The following NCOA3 variants were observed in gnomAD, a reference collection of about 807,000 sequenced individuals.
NCOA3 encodes the protein nuclear receptor coactivator 3.
Under a neutral mutation model 158.8 loss-of-function variants are expected in NCOA3, and 51 were observed. The observed-to-expected ratio is 0.32, with a 90% CI of 0.26 to 0.41. NCOA3 has a LOEUF of 0.41. NCOA3 is among the 10% of genes least tolerant of loss of function. NCOA3 has a pLI of 1.00. For missense variants in NCOA3, 1,510 were observed against 1,746.6 expected, an observed-to-expected ratio of 0.86 and a Z score of 2.41; for synonymous variants, 537 against 592.4, an observed-to-expected ratio of 0.91 and a Z score of 1.36.
chr20:47,535,016 C>T (rs2084609118), intron 1 of NCOA3, among the ~76,000 whole-genome samples: 1 of 141,608 alleles, frequency 7.1e-6, no homozygotes, highest in African/African-American at 2.5e-5. Flanking sequence ...GTTGCCCAGG[C>T]TTGTTTTTTT....
At chr20:47,518,517 G>A (rs3091681) in intron 1 of NCOA3, among the ~76,000 whole-genome samples, 3,562 of 147,140 alleles carry the variant, frequency 0.024, 136 homozygotes, top group African/African-American at 0.085. Context: ...TCCACCTCCC[G>A]GGTTTTCAAG....
chr20:47,618,277 A>C (rs1053381069), intron 2 of NCOA3, among the ~76,000 whole-genome samples: 1 of 151,648 alleles, frequency 6.6e-6, no homozygotes, highest in Non-Finnish European at 1.5e-5. Context: ...AATATTTTAT[A>C]TCTTAAACAA....
In NCOA3 at chr20:47,636,106, T is replaced by C; in HGVS notation, c.1720T>C (p.Tyr574His). Reference sequence around the variant, plus strand: ...GGATTCCAAGAGTCCTCTGGGCTTTTATTGCGACCAAAATCCAGTGGAGAG... The same window carrying C: ...GGATTCCAAGAGTCCTCTGGGCTTTCATTGCGACCAAAATCCAGTGGAGAG... ...NQDSKSPLGF[Y>H]CDQNPVESSM... is the part of the protein sequence containing the mutation. The change falls in exon 12 of 23, where the codon TAT becomes CAT. Residue 574 changes from tyrosine (Y) to histidine (H), a missense_variant. Around this residue, in one of 4 missense-constraint regions of NCOA3, gnomAD observed 1,017 missense variants for 1,098.3 expected, o/e 0.93. Coordinates refer to ENST00000371998, the MANE Select transcript of NCOA3 (RefSeq NM_181659.3). 2 of 1,614,184 alleles carry C rather than the reference T, an allele frequency of 1.2e-6. No individual in the cohort carries two copies. The highest frequency in any genetic ancestry group is 1.6e-4 in the Middle Eastern group (1 of 6,062).
intron 1 of NCOA3, among the ~76,000 whole-genome samples, chr20:47,508,756 A>G (rs2084067902): frequency 6.6e-6 from 1 of 152,222 alleles, no homozygotes; most frequent in African/African-American, 2.4e-5. Context: ...AAAGAAATCT[A>G]CATGTGAAAA....
rs1314655881 is a variant in NCOA3, at chr20:47,628,134, CCTA to C, written c.823+114_823+116del. ...ATCTGTACTATCATAGAAATGTATACCTACTGTAATGAGTGCTTTATGTGTATC... is the reference window on the plus strand; with the variant it reads ...ATCTGTACTATCATAGAAATGTATACCTGTAATGAGTGCTTTATGTGTATC... On this transcript the variant is annotated intron_variant, in intron 8 of 22. Transcript: ENST00000371998. The C allele has an allele frequency of 4.4e-6, 3 of 681,304 alleles. No homozygotes were observed. The East Asian group carries it at 8.0e-5, about 18-fold the overall frequency. The allele number at this position is 681,304 out of a possible 1,614,324, so 42.2% of individuals were successfully genotyped here.
rs749029859 is a variant in NCOA3 at position 47,587,609 on chromosome 20, T to C, written c.-20+4348T>C. On this transcript the variant is annotated intron_variant, in intron 2 of 22. Coordinates refer to ENST00000371998, the MANE Select transcript of NCOA3 (RefSeq NM_181659.3). ...TTTCTTGTATGCTTTAAGTCATCTC[T>C]AGATTACTTATAAGAATCTAACACA... Among the ~76,000 whole-genome samples the C allele has an allele frequency of 9.2e-5, 14 of 152,380 alleles. 2 individuals are homozygous for C. The South Asian group carries it at 1.7e-3, about 18-fold the overall frequency.
At chr20:47,537,108 CTGTTT>C (rs2084646809) in intron 1 of NCOA3, among the ~76,000 whole-genome samples, 1 of 152,102 alleles carries the variant, frequency 6.6e-6, no homozygotes, top group African/African-American at 2.4e-5. Flanking sequence ...CGCGCCCGGC[CTGTTT>C]TGTTTTAAGC....
intron 2 of NCOA3, among the ~76,000 whole-genome samples, chr20:47,599,709 G>A (rs1038431761): frequency 6.6e-6 from 1 of 152,134 alleles, no homozygotes; most frequent in Admixed American, 6.5e-5. Context: ...GATGTTAATT[G>A]CACTCACTTC....
chr20:47,555,376 A>C (rs1348959718), intron 1 of NCOA3, among the ~76,000 whole-genome samples: 1 of 152,196 alleles, frequency 6.6e-6, no homozygotes, highest in African/African-American at 2.4e-5. Context: ...CTGATCTTCC[A>C]TCTTTCTTTT....
intron 1 of NCOA3, among the ~76,000 whole-genome samples, chr20:47,572,647 C>A (rs1480514847): frequency 6.6e-6 from 1 of 152,024 alleles, no homozygotes; most frequent in Non-Finnish European, 1.5e-5. Context: ...AGTGATTCTC[C>A]TGCCTTAGCC....
At chr20:47,572,746 AGG>A (rs2085313768) in intron 1 of NCOA3, among the ~76,000 whole-genome samples, 1 of 152,046 alleles carries the variant, frequency 6.6e-6, no homozygotes, top group South Asian at 2.1e-4. Flanking sequence ...CATGTTTGTC[AGG>A]CTGCTCTTGG....
At chr20:47,578,941 G>A (rs2085412365) in intron 1 of NCOA3, among the ~76,000 whole-genome samples, 1 of 152,176 alleles carries the variant, frequency 6.6e-6, no homozygotes, top group Non-Finnish European at 1.5e-5. Flanking sequence ...ATAATATTCA[G>A]TGGCTGCTTT....
chr20:47,515,720 T>C (rs2084224114), intron 1 of NCOA3, among the ~76,000 whole-genome samples: 1 of 152,082 alleles, frequency 6.6e-6, no homozygotes, highest in South Asian at 2.1e-4. Flanking sequence ...CCTCAAGTGG[T>C]CCGCCCACCT....
At chr20:47,583,646 G>A (rs2085488167) in intron 2 of NCOA3, among the ~76,000 whole-genome samples, 1 of 152,186 alleles carries the variant, frequency 6.6e-6, no homozygotes, top group Non-Finnish European at 1.5e-5. Flanking sequence ...GTAAGCTAGA[G>A]AAAATAAAAT....
At chr20:47,532,609 A>G (rs1362814086) in intron 1 of NCOA3, among the ~76,000 whole-genome samples, 3 of 152,118 alleles carry the variant, frequency 2.0e-5, no homozygotes, top group African/African-American at 4.8e-5. Flanking sequence ...CTTGGCCTAC[A>G]GGTGAGTGTT....
chr20:47,627,939 A>C lies in NCOA3; in HGVS notation c.739A>C (p.Ile247Leu). The stretch of plus-strand genomic sequence containing the variant: ...TATTGTAGATTTGCAATCTTGTATG[A>C]TCTGTGTGGCACGCCGCATTACTAC... ...EEGEDLQSCM[I>L]CVARRITTGE... is the part of the protein sequence containing the mutation. Residue 247 changes from isoleucine (I) to leucine (L), a missense_variant, in exon 8 of 23, where the codon ATC becomes CTC. This residue lies in a region of NCOA3 where 309 missense variants were observed against 427.1 expected (regional missense o/e 0.72). Transcript: ENST00000371998. 1 of 1,613,724 alleles carries C rather than the reference A, an allele frequency of 6.2e-7. No individual in the cohort carries two copies. Among genetic ancestry groups the C allele is most frequent in the Non-Finnish European group, 8.5e-7 (1 of 1,179,838 alleles).
chr20:47,627,043 C>A lies in NCOA3; in HGVS notation c.399C>A (p.Asn133Lys). Residue 133 changes from asparagine (N) to lysine (K), a missense_variant, in exon 6 of 23, where the codon AAC becomes AAA. By Grantham distance (94) the Asn-to-Lys change is moderately conservative. Transcript: ENST00000371998. ...GFLFVVNRDG[N>K]IVFVSENVTQ... ...TATTTGTGGTGAATCGAGACGGAAA[C>A]ATTGTATTTGTATCAGAAAATGTCA... 2 of 1,613,342 alleles carry A rather than the reference C, an allele frequency of 1.2e-6. No individual in the cohort carries two copies.
intron 16 of NCOA3, among the ~76,000 whole-genome samples, chr20:47,641,154 G>C (rs891699863): frequency 3.3e-5 from 5 of 152,036 alleles, no homozygotes; most frequent in Non-Finnish European, 7.4e-5. Flanking sequence ...ACTTTTCTGA[G>C]GCAGGATAAA....
rs185109467 is a variant in NCOA3, at chr20:47,509,334, C to T, written c.-99+7315C>T. Among the ~76,000 whole-genome samples, 9 of 152,254 alleles carry T rather than the reference C, an allele frequency of 5.9e-5. No individual in the cohort carries two copies. In the East Asian group the frequency reaches 1.5e-3, roughly 26 times the overall value. ...ACTTGAGCCCAGGAGGTTGAGGGTGCAATGAGCTGTGATTGTGCCATTGCA... is the reference window on the plus strand; with the variant it reads ...ACTTGAGCCCAGGAGGTTGAGGGTGTAATGAGCTGTGATTGTGCCATTGCA... On this transcript the variant is annotated intron_variant, in intron 1 of 22. Coordinates refer to ENST00000371998, the MANE Select transcript of NCOA3 (RefSeq NM_181659.3).
Sources: gnomAD v4.1 joint callset for allele counts (sites outside exome capture counted in the v4.1 genomes callset) on GRCh38, gnomAD v4.1.1 for gene constraint, gnomAD v4.1.1 regional missense constraint, MANE v1.5 for transcripts, NCBI Gene and HGNC (gene_info 2026-07-23, HGNC 2026-07-21) for gene names.